The following SLIT3 variants were observed in gnomAD, a reference collection of about 807,000 sequenced individuals.
SLIT3 encodes slit homolog 3 protein.
In SLIT3, 68 loss-of-function variants were observed where a neutral mutation model predicts 184.0. The observed-to-expected ratio is 0.37, with a 90% CI of 0.30 to 0.45. The LOEUF (loss-of-function observed/expected upper bound fraction) is 0.45. Among genes scored for constraint, SLIT3 ranks in the 20% least tolerant of loss-of-function variants. The probability of loss-of-function intolerance (pLI) is 1.00; values close to 1 mark genes in which losing one functional copy is unlikely to be tolerated. For missense variants in SLIT3, 1,707 were observed against 2,026.0 expected, an observed-to-expected ratio of 0.84 and a Z score of 3.02; for synonymous variants, 831 against 828.6, an observed-to-expected ratio of 1.00 and a Z score of -0.05.
intron 9 of SLIT3, among the ~76,000 whole-genome samples, chr5:168,798,625 G>A (rs1168779497): frequency 6.6e-6 from 1 of 152,142 alleles, no homozygotes; most frequent in Non-Finnish European, 1.5e-5. Flanking sequence ...GCCATTGCAT[G>A]ATGAGGGTCA....
intron 14 of SLIT3, among the ~76,000 whole-genome samples, chr5:168,764,312 G>T (rs1755258133): frequency 4.6e-5 from 7 of 152,158 alleles, no homozygotes; most frequent in Admixed American, 4.6e-4. Flanking sequence ...TCAAATGAAT[G>T]ATCTCATTTA....
intron 8 of SLIT3, among the ~76,000 whole-genome samples, chr5:168,812,803 T>C (rs950851222): frequency 2.0e-5 from 3 of 152,186 alleles, no homozygotes; most frequent in African/African-American, 7.2e-5. Flanking sequence ...CCAATTATGG[T>C]GTTTTAATTA....
chr5:169,074,558 C>T (rs1758667618), intron 4 of SLIT3, among the ~76,000 whole-genome samples: 1 of 152,176 alleles, frequency 6.6e-6, no homozygotes, highest in Non-Finnish European at 1.5e-5. Flanking sequence ...CCCAATTTTA[C>T]AGTTGAGGGA....
chr5:169,224,384 TA>T (rs372328197), intron 3 of SLIT3, among the ~76,000 whole-genome samples: 14,292 of 50,224 alleles, frequency 0.28, 784 homozygotes, highest in East Asian at 0.47. Context: ...TTTATTTATT[TA>T]TTTTTTTTGA....
chr5:169,300,893 G>GGCA lies in SLIT3; in HGVS notation c.-185_-184insTGC. On this transcript the variant is annotated 5_prime_UTR_variant, in exon 1 of 36. Coordinates refer to ENST00000519560, the MANE Select transcript of SLIT3 (RefSeq NM_003062.4). The surrounding 1 kb of genome is among the most constrained non-coding windows in gnomAD (Gnocchi z 4.1). Reference sequence around the variant, plus strand: ...GGAGCGGGGCGCTCCGGGCGGCGGCGGCGGCAGCAACAGCAGCTCCATCGG... The same window carrying GGCA: ...GGAGCGGGGCGCTCCGGGCGGCGGCGGCAGCGGCAGCAACAGCAGCTCCATCGG... 2.8e-6 allele frequency: 1 copy of GGCA among 358,524 alleles called. No homozygotes were observed. The highest frequency in any genetic ancestry group is 4.5e-6 in the Non-Finnish European group (1 of 221,750). The allele number at this position is 358,524 out of a possible 1,614,324, so 22.2% of individuals were successfully genotyped here. A position where few individuals can be genotyped will look rare whatever the true frequency, so the allele number is the denominator to read the frequency against.
intron 4 of SLIT3, among the ~76,000 whole-genome samples, chr5:169,062,798 T>C (rs779884517): frequency 2.0e-5 from 3 of 152,192 alleles, no homozygotes; most frequent in Non-Finnish European, 2.9e-5. Flanking sequence ...GTTGTGACCA[T>C]CATTTCCCCC....
chr5:168,723,819 T>C (rs191326957), intron 21 of SLIT3, among the ~76,000 whole-genome samples: 9 of 152,270 alleles, frequency 5.9e-5, no homozygotes, highest in Admixed American at 1.3e-4. Flanking sequence ...GGTATTCTGA[T>C]TTAATTGGTC....
chr5:168,865,477 A>G lies in SLIT3; in HGVS notation c.485+17788T>C, dbSNP rs187344858. On this transcript the variant is annotated intron_variant, in intron 5 of 35. Coordinates refer to ENST00000519560, the MANE Select transcript of SLIT3 (RefSeq NM_003062.4). Reference sequence around the variant, plus strand: ...AATACTACGCTAAGTGAAAGATGTTAGCTACATAAGGTAACATACTGTGTG... The same window carrying G: ...AATACTACGCTAAGTGAAAGATGTTGGCTACATAAGGTAACATACTGTGTG... 1.2e-3 allele frequency among the ~76,000 whole-genome samples: 176 copies of G among 152,388 alleles called. 1 individual carries two copies. The highest frequency in any genetic ancestry group is 4.0e-3 in the African/African-American group (168 of 41,592).
In SLIT3 at chr5:169,014,694, T is replaced by G. The variant is rs563667627; in HGVS notation, c.414-131358A>C. On this transcript the variant is annotated intron_variant, in intron 4 of 35. Transcript: ENST00000519560. The stretch of plus-strand genomic sequence containing the variant: ...ATGCTGGTGCAGTGGTTCATTCTTT[T>G]AATCCCAGCACTTTGGGAGGCCAAG... Among the ~76,000 whole-genome samples, 29 of 152,358 alleles carry G rather than the reference T, an allele frequency of 1.9e-4. No individual in the cohort carries two copies. In the South Asian group the frequency reaches 5.6e-3, roughly 29 times the overall value.
At chr5:168,863,279 T>C (rs1759177600) in intron 5 of SLIT3, among the ~76,000 whole-genome samples, 2 of 152,248 alleles carry the variant, frequency 1.3e-5, no homozygotes, top group Admixed American at 6.5e-5. Context: ...CAAACATTTA[T>C]GGCTTTGTGA....
At chr5:168,792,307 A>G (rs903603100) in intron 10 of SLIT3, 5 of 152,040 alleles carry the variant, frequency 3.3e-5, no homozygotes, top group African/African-American at 1.2e-4. Context: ...TGCTTCTCAA[A>G]CCTCACGAGG....
chr5:168,673,262 T>C lies in SLIT3; in HGVS notation c.3756A>G (p.Leu1252=), dbSNP rs1761308132. The C allele has an allele frequency of 6.2e-7, 1 of 1,614,142 alleles. No homozygotes were observed. Among genetic ancestry groups the C allele is most frequent in the East Asian group, 2.2e-5 (1 of 44,874 alleles). Residue 1252 remains leucine (L), a synonymous_variant, in exon 33 of 36, where the codon CTA becomes CTG. Transcript: ENST00000519560. The part of the protein sequence containing the change: ...ELVTLNQTLN[L]VVDKGTPKSL... ...TCTTTGGAGTTCCTTTGTCCACTACTAGGTTCAGGGTCTGGTTTAGCGTCA... is the reference window on the plus strand; with the variant it reads ...TCTTTGGAGTTCCTTTGTCCACTACCAGGTTCAGGGTCTGGTTTAGCGTCA...
At chr5:169,286,920 G>A (rs1767166952) in intron 1 of SLIT3, among the ~76,000 whole-genome samples, 1 of 152,206 alleles carries the variant, frequency 6.6e-6, no homozygotes, top group African/African-American at 2.4e-5. Flanking sequence ...AGAGCTTCCT[G>A]ACTGAATATG....
chr5:168,934,314 T>C (rs1468070053), intron 4 of SLIT3, among the ~76,000 whole-genome samples: 1 of 152,216 alleles, frequency 6.6e-6, no homozygotes. Flanking sequence ...AAGTCTGGCT[T>C]TCCTCTTTGC....
At chr5:169,156,162 C>T (rs1433706125) in intron 4 of SLIT3, among the ~76,000 whole-genome samples, 1 of 152,188 alleles carries the variant, frequency 6.6e-6, no homozygotes, top group African/African-American at 2.4e-5. Flanking sequence ...CTATGAGATG[C>T]CCAGGTCATT....
intron 4 of SLIT3, among the ~76,000 whole-genome samples, chr5:169,175,247 C>G (rs933875126): frequency 1.3e-5 from 2 of 152,198 alleles, no homozygotes; most frequent in African/African-American, 4.8e-5. Context: ...ACAACTCTGG[C>G]TGTTGCTATA....
chr5:168,816,389 G>A (rs545191621), intron 8 of SLIT3, among the ~76,000 whole-genome samples: 44 of 152,238 alleles, frequency 2.9e-4, no homozygotes, highest in Admixed American at 2.2e-3. Flanking sequence ...GTTTCACCAT[G>A]TTGGTCAAGC....
rs189897792 is a variant in SLIT3, at chr5:168,691,683, A to C, written c.3176+924T>G. ...AGTTGCCCCGGACTGCCTGTTTCCC[A>C]AAACCCTGACTCCTTGGTGCTAGTG... On this transcript the variant is annotated intron_variant, in intron 29 of 35. Transcript: ENST00000519560. Among the ~76,000 whole-genome samples, 50 of 152,334 alleles carry C rather than the reference A, an allele frequency of 3.3e-4. No individual in the cohort carries two copies. The East Asian group carries it at 8.3e-3, about 25-fold the overall frequency.
chr5:169,201,091 T>C (rs1466785236), intron 3 of SLIT3, among the ~76,000 whole-genome samples: 1 of 152,226 alleles, frequency 6.6e-6, no homozygotes, highest in Non-Finnish European at 1.5e-5. Context: ...ACAATTTATT[T>C]TGATGGCTTA....
Sources: allele counts gnomAD v4.1 joint callset (sites outside exome capture counted in the v4.1 genomes callset), GRCh38; gene constraint gnomAD v4.1.1; non-coding constraint Gnocchi (gnomAD v3.1); transcripts MANE v1.5; gene names NCBI Gene and HGNC (gene_info 2026-07-23, HGNC 2026-07-21).